SP140L: variants seen among roughly 807,000 people sequenced by gnomAD.
SP140L encodes nuclear body protein SP140-like protein.
SP140L carries 64 observed loss-of-function variants against 84.3 expected under a neutral mutation model. The observed-to-expected ratio is 0.76, with a 90% CI of 0.62 to 0.94. SP140L has a LOEUF of 0.94. Among genes scored for constraint, SP140L ranks in the 40% least tolerant of loss-of-function variants. The pLI, the probability that SP140L is intolerant of heterozygous loss-of-function variation, is 0.00. For synonymous variants in SP140L, 242 were observed against 236.9 expected (o/e 1.02, Z -0.20); for missense variants, 628 against 692.5 (o/e 0.91, Z 1.05).
chr2:230,400,040 C>A, intron 14 of SP140L, 87 bp from the exon 15 acceptor site: 1 of 1,400,436 alleles, frequency 7.1e-7, no homozygotes, highest in Non-Finnish European at 1.0e-6. Context: ...CAGGCTCACA[C>A]ATAAGCAGTG....
chr2:230,381,095 G>A (rs993611497), intron 7 of SP140L, among the ~76,000 whole-genome samples: 1 of 151,872 alleles, frequency 6.6e-6, no homozygotes, highest in Non-Finnish European at 1.5e-5. Flanking sequence ...ACAAGTGTGT[G>A]CTGCAGTGGA....
chr2:230,348,237 G>A (rs115111156), intron 2 of SP140L, among the ~76,000 whole-genome samples: 2 of 152,318 alleles, frequency 1.3e-5, no homozygotes, highest in Non-Finnish European at 2.9e-5. Flanking sequence ...AAATGAAAAC[G>A]TATATCCACA....
At chr2:230,398,785 G>A (rs570913430) in intron 14 of SP140L, among the ~76,000 whole-genome samples, 46 of 152,370 alleles carry the variant, frequency 3.0e-4, no homozygotes, top group African/African-American at 1.0e-3. Context: ...GGGCCACATG[G>A]GGGCTGCGCT....
At position 230,389,961 on chromosome 2, in the gene SP140L, C is replaced by T. The variant is rs1296527526; in HGVS notation, c.902C>T (p.Pro301Leu). 1.9e-6 allele frequency: 3 copies of T among 1,613,690 alleles called. No homozygotes were observed. The highest frequency in any genetic ancestry group is 1.7e-6 in the Non-Finnish European group (2 of 1,179,802). The change falls in exon 11 of 19, where the codon CCT (proline) becomes CTT (leucine). Residue 301 changes from proline to leucine, a missense_variant. By Grantham distance (98) the Pro-to-Leu change is moderately conservative (BLOSUM62 -3). Transcript: ENST00000415673. ...GATGAAACTGTGGATTTTCAGGCTCCTTTACTTCCAGTGACCTGTGGTGGG... is the reference window on the plus strand; with the variant it reads ...GATGAAACTGTGGATTTTCAGGCTCTTTTACTTCCAGTGACCTGTGGTGGG... Reference protein sequence around the residue: ...HKDETVDFQAPLLPVTCGGVK... With the variant: ...HKDETVDFQALLLPVTCGGVK...
At chr2:230,400,030 C>T (rs187236611) in intron 14 of SP140L, 97 bp from the exon 15 acceptor site, 5 of 1,288,480 alleles carry the variant, frequency 3.9e-6, no homozygotes, top group Admixed American at 1.8e-5. Context: ...CCTGTCTATA[C>T]AGGCTCACAC....
At chr2:230,381,133 GGT>G (rs1260339017) in intron 7 of SP140L, among the ~76,000 whole-genome samples, 1 of 148,618 alleles carries the variant, frequency 6.7e-6, no homozygotes, top group Non-Finnish European at 1.5e-5. Flanking sequence ...AAACCCATGG[GGT>G]TTGCTAGCTA....
intron 15 of SP140L, 197 bp from the exon 16 acceptor site, chr2:230,400,758 C>G: frequency 7.7e-7 from 1 of 1,293,538 alleles, no homozygotes; most frequent in South Asian, 1.4e-5. Context: ...GGCTTCCCTC[C>G]TGCTGCTACC....
intron 2 of SP140L, among the ~76,000 whole-genome samples, chr2:230,335,095 C>T (rs1209217631): frequency 6.6e-6 from 1 of 151,986 alleles, no homozygotes; most frequent in Non-Finnish European, 1.5e-5. Flanking sequence ...ATCAATCTTT[C>T]CATTTTGTTG....
At chr2:230,346,982 T>C (rs1294331197) in intron 2 of SP140L, among the ~76,000 whole-genome samples, 3 of 152,226 alleles carry the variant, frequency 2.0e-5, no homozygotes, top group Non-Finnish European at 2.9e-5. Flanking sequence ...GTCTGTACAT[T>C]TGAGGAAGAA....
Position 230,358,966 on chromosome 2 carries a change from T to G in SP140L, c.273T>G (p.Asp91Glu). The G allele has an allele frequency of 6.3e-7, 1 of 1,575,764 alleles. No individual in the cohort carries two copies. Among genetic ancestry groups the G allele is most frequent in the Non-Finnish European group, 8.6e-7 (1 of 1,167,388 alleles). Residue 91 changes from aspartate to glutamate, a missense_variant and splice_region_variant, in exon 4 of 19, where the codon GAT becomes GAG. By Grantham distance (45) the Asp-to-Glu change is conservative. Transcript: ENST00000415673. ...RELITNKMFE[D>E]SEDSCRNLVP... ...TTCTCCATTCAATATTTTTAAAGGATTCTGAAGATTCTTGTAGAAACCTGG... is the reference window on the plus strand; with the variant it reads ...TTCTCCATTCAATATTTTTAAAGGAGTCTGAAGATTCTTGTAGAAACCTGG...
chr2:230,373,041 A>C (rs1216882498), intron 7 of SP140L, among the ~76,000 whole-genome samples: 1 of 152,228 alleles, frequency 6.6e-6, no homozygotes, highest in Non-Finnish European at 1.5e-5. Context: ...ATCCAGAGTA[A>C]GGTCTTAACT....
intron 9 of SP140L, among the ~76,000 whole-genome samples, chr2:230,386,728 A>G (rs946237575): frequency 5.3e-5 from 8 of 152,146 alleles, no homozygotes; most frequent in African/African-American, 9.7e-5. Context: ...TTTTCTCCCT[A>G]AAAATATGAG....
rs932149531 is a variant in SP140L at position 230,328,823 on chromosome 2, T to A, written c.99T>A (p.Ser33Arg). 6.2e-7 allele frequency: 1 copy of A among 1,607,714 alleles called. No homozygotes were observed. Among genetic ancestry groups the A allele is most frequent in the Admixed American group, 1.7e-5 (1 of 59,264 alleles). ...ACCATCTTCCTGCACACAGCCAAAG[T>A]CTGCAAAGGTGATGAAGAATTACAA... ...EMNHLPAHSQ[S>R]LQRLFTEDQD... The change falls in exon 2 of 19, where the codon AGT becomes AGA. Residue 33 changes from serine to arginine, a missense_variant. Physicochemically the swap from Ser to Arg is moderately radical, Grantham distance 110. Transcript: ENST00000415673.
At chr2:230,371,031 T>C in intron 6 of SP140L, 64 bp downstream of exon 6, 1 of 1,424,390 alleles carries the variant, frequency 7.0e-7, no homozygotes, top group Non-Finnish European at 9.9e-7. Flanking sequence ...CTGGGAAGAG[T>C]GGAGGCAGGT....
intron 5 of SP140L, among the ~76,000 whole-genome samples, chr2:230,367,285 T>C (rs2060911532): frequency 1.9e-5 from 2 of 104,542 alleles, no homozygotes; most frequent in Admixed American, 1.1e-4. Context: ...TTCCTTTCTT[T>C]CTTTTTTTTC....
intron 12 of SP140L, among the ~76,000 whole-genome samples, chr2:230,392,967 C>T (rs904421470): frequency 2.0e-5 from 3 of 152,088 alleles, no homozygotes; most frequent in African/African-American, 7.2e-5. Context: ...TTATATTTAT[C>T]CTTCTGTGAG....
At chr2:230,339,803 G>T (rs1416804184) in intron 2 of SP140L, among the ~76,000 whole-genome samples, 114 of 128,154 alleles carry the variant, frequency 8.9e-4, no homozygotes, top group Admixed American at 1.6e-3. Flanking sequence ...TAGTTGAGCG[G>T]TTTTGAGTGA....
At chr2:230,363,171 G>GA (rs2060773172) in intron 5 of SP140L, among the ~76,000 whole-genome samples, 1 of 152,124 alleles carries the variant, frequency 6.6e-6, no homozygotes, top group African/African-American at 2.4e-5. Context: ...TTATCCTTTG[G>GA]ATATATATTC....
At chr2:230,335,667 T>C (rs567100683) in intron 2 of SP140L, among the ~76,000 whole-genome samples, 5 of 152,298 alleles carry the variant, frequency 3.3e-5, no homozygotes, top group Admixed American at 1.3e-4. Context: ...TATAATGTAA[T>C]GATTAAGAGT....
Sources: allele counts gnomAD v4.1 joint callset (sites outside exome capture counted in the v4.1 genomes callset), GRCh38; gene constraint gnomAD v4.1.1; transcripts MANE v1.5; gene names NCBI Gene and HGNC (gene_info 2026-07-23, HGNC 2026-07-21).